The following MAP3K20 variants were observed in gnomAD, a reference collection of about 807,000 sequenced individuals.
The protein encoded by MAP3K20 is mitogen-activated protein kinase kinase kinase 20, also known as HCCS-4.
MAP3K20 carries 40 observed loss-of-function variants against 85.7 expected under a neutral mutation model. The observed-to-expected ratio is 0.47, with a 90% confidence interval of 0.36 to 0.61. MAP3K20 has a LOEUF of 0.61. Ranked by LOEUF, MAP3K20 falls within the 20% of genes least tolerant of loss-of-function variation. MAP3K20 has a pLI of 0.00. For synonymous variants in MAP3K20, 325 were observed against 327.7 expected, an observed-to-expected ratio of 0.99 and a Z score of 0.09; for missense variants, 817 against 961.7, an observed-to-expected ratio of 0.85 and a Z score of 1.99.
At chr2:173,227,904 G>A (rs1299522794) in intron 11 of MAP3K20, among the ~76,000 whole-genome samples, 1 of 152,182 alleles carries the variant, frequency 6.6e-6, no homozygotes, top group Non-Finnish European at 1.5e-5. Context: ...AGAAGGGAAT[G>A]GCATGATTCT....
At position 173,189,507 on chromosome 2, in the gene MAP3K20, T is replaced by C. The variant is rs544211518; in HGVS notation, c.416-1388T>C. Among the ~76,000 whole-genome samples, 4 of 152,306 alleles carry C rather than the reference T, an allele frequency of 2.6e-5. No individual in the cohort carries two copies. The East Asian group carries it at 7.7e-4, about 29-fold the overall frequency. On this transcript the variant is annotated intron_variant, in intron 5 of 19. Transcript: ENST00000375213. ...TCCCATAAAAGCCCTATTTACATAT[T>C]AACACTCAAAAACAGATCTCAACTT...
intron 2 of MAP3K20, among the ~76,000 whole-genome samples, chr2:173,132,959 T>C (rs575220393): frequency 6.6e-6 from 1 of 152,220 alleles, no homozygotes; most frequent in African/African-American, 2.4e-5. Context: ...CAACAGTACT[T>C]TACATACAGT....
intron 2 of MAP3K20, among the ~76,000 whole-genome samples, chr2:173,155,792 G>A (rs1283864200): frequency 2.6e-5 from 4 of 152,142 alleles, no homozygotes; most frequent in African/African-American, 7.2e-5. Flanking sequence ...GTACCCTAGC[G>A]ACTCTTCCAT....
chr2:173,095,357 G>A (rs1218674396), intron 2 of MAP3K20, among the ~76,000 whole-genome samples: 3 of 152,114 alleles, frequency 2.0e-5, no homozygotes, highest in African/African-American at 4.8e-5. Context: ...TGATTTTGGA[G>A]TATATTATTT....
In MAP3K20 at chr2:173,190,899, T is replaced by C. The variant is rs1204954618; in HGVS notation, c.420T>C (p.Val140=). 1 of 1,595,370 alleles carries C rather than the reference T, an allele frequency of 6.3e-7. No individual in the cohort carries two copies. Among genetic ancestry groups the C allele is most frequent in the African/African-American group, 1.4e-5 (1 of 73,984 alleles). The change falls in exon 6 of 20, where the codon GTT becomes GTC. Residue 140 remains valine, a synonymous_variant. Transcript: ENST00000375213. ...IHRDLKSRNV[V]IAADGVLKIC... The stretch of plus-strand genomic sequence containing the variant: ...TATCCTTTTTTCTTTTTTTAGTTGT[T>C]ATAGCTGCTGATGGAGTATTGAAGG...
At chr2:173,107,082 C>G (rs1559233528) in intron 2 of MAP3K20, among the ~76,000 whole-genome samples, 1 of 152,112 alleles carries the variant, frequency 6.6e-6, no homozygotes, top group Non-Finnish European at 1.5e-5. Flanking sequence ...GGGCTAAAAT[C>G]ATTAAGAAAC....
chr2:173,112,755 G>A (rs370137008), intron 2 of MAP3K20, among the ~76,000 whole-genome samples: 3 of 152,032 alleles, frequency 2.0e-5, no homozygotes, highest in African/African-American at 7.2e-5. Context: ...CTGTATCCCT[G>A]TTATGAAATC....
intron 11 of MAP3K20, chr2:173,223,834 C>T: frequency 1.0e-6 from 1 of 985,462 alleles, no homozygotes; most frequent in Non-Finnish European, 1.2e-6. Context: ...TGAGTCAATG[C>T]ACCCAAGAAG....
intron 16 of MAP3K20, among the ~76,000 whole-genome samples, chr2:173,244,514 G>C (rs1684870868): frequency 6.6e-6 from 1 of 152,210 alleles, no homozygotes. Flanking sequence ...GAGATAACAA[G>C]AGAAAGTGTA....
intron 2 of MAP3K20, among the ~76,000 whole-genome samples, chr2:173,136,928 A>G (rs892908649): frequency 1.3e-5 from 2 of 152,198 alleles, no homozygotes; most frequent in African/African-American, 4.8e-5. Flanking sequence ...GGTTAGGACC[A>G]CTATACCTGG....
At chr2:173,259,583 G>C (rs1685239255) in intron 17 of MAP3K20, among the ~76,000 whole-genome samples, 1 of 152,162 alleles carries the variant, frequency 6.6e-6, no homozygotes, top group African/African-American at 2.4e-5. Flanking sequence ...TGAAGAAAGT[G>C]GGGCGTGTAG....
chr2:173,088,865 T>C (rs764937106), intron 1 of MAP3K20, among the ~76,000 whole-genome samples: 4 of 152,376 alleles, frequency 2.6e-5, no homozygotes, highest in Non-Finnish European at 5.9e-5. Flanking sequence ...GATTCACATA[T>C]GTTTATAGAC....
chr2:173,186,511 T>G (rs1690489278), intron 4 of MAP3K20, among the ~76,000 whole-genome samples: 1 of 148,944 alleles, frequency 6.7e-6, no homozygotes, highest in Non-Finnish European at 1.5e-5. Flanking sequence ...TAAATTTTCT[T>G]TGTCCTTTCA....
chr2:173,266,416 C>A lies in MAP3K20; in HGVS notation c.2069C>A (p.Ser690Tyr), dbSNP rs757370306. 8.1e-6 allele frequency: 13 copies of A among 1,613,958 alleles called. 1 individual carries two copies. The South Asian group carries it at 1.4e-4, about 18-fold the overall frequency. ...GGACGTGGTAGTATATCACTCAATT[C>A]TTCTCCTAGAGGAAGATACAGTGGA... Reference protein sequence around the residue: ...KYGRGSISLNSSPRGRYSGKS... With the variant: ...KYGRGSISLNYSPRGRYSGKS... The change falls in exon 20 of 20, where the codon TCT becomes TAT. Residue 690 changes from serine to tyrosine, a missense_variant. Ser to Tyr is a moderately radical substitution (Grantham distance 144). Transcript: ENST00000375213.
intron 2 of MAP3K20, among the ~76,000 whole-genome samples, chr2:173,153,444 A>G (rs1689365791): frequency 6.6e-6 from 1 of 152,174 alleles, no homozygotes; most frequent in South Asian, 2.1e-4. Context: ...TAGGTTGATC[A>G]TTTCCAAATT....
chr2:173,175,783 T>C (rs1007987751), intron 3 of MAP3K20, among the ~76,000 whole-genome samples: 1 of 152,120 alleles, frequency 6.6e-6, no homozygotes, highest in African/African-American at 2.4e-5. Context: ...TCTTAGGCGT[T>C]TTGCTGGAAT....
chr2:173,221,587 T>C, intron 11 of MAP3K20: 1 of 1,448,536 alleles, frequency 6.9e-7, no homozygotes, highest in Non-Finnish European at 9.1e-7. Flanking sequence ...AAGTAACTTG[T>C]TTATCTCAGT....
At chr2:173,139,471 T>G (rs1001119847) in intron 2 of MAP3K20, among the ~76,000 whole-genome samples, 1 of 152,176 alleles carries the variant, frequency 6.6e-6, no homozygotes, top group African/African-American at 2.4e-5. Flanking sequence ...CAGTGCTTGT[T>G]TGGACCAAGG....
chr2:173,228,234 T>G (rs1030600899), intron 11 of MAP3K20, among the ~76,000 whole-genome samples: 2 of 152,184 alleles, frequency 1.3e-5, no homozygotes, highest in Non-Finnish European at 2.9e-5. Context: ...TTTTTCCGCT[T>G]GCCTTCCCAC....
Sources: allele counts gnomAD v4.1 joint callset (sites outside exome capture counted in the v4.1 genomes callset), GRCh38; gene constraint gnomAD v4.1.1; transcripts MANE v1.5; gene names NCBI Gene and HGNC (gene_info 2026-07-23, HGNC 2026-07-21).